CLDN10: variants seen among roughly 807,000 people sequenced by gnomAD.
CLDN10 encodes claudin-10.
In CLDN10, 15 loss-of-function variants were observed where a neutral mutation model predicts 22.9. That is an observed-to-expected ratio of 0.65 (90% CI 0.44 to 1.01). CLDN10 has a LOEUF of 1.01. Among genes scored for constraint, CLDN10 ranks in the 50% least tolerant of loss-of-function variants. The probability of loss-of-function intolerance (pLI) is 0.00; values close to 1 mark genes in which losing one functional copy is unlikely to be tolerated. For missense variants in CLDN10, 247 were observed against 287.8 expected (o/e 0.86, Z 1.03); for synonymous variants, 114 against 111.4 (o/e 1.02, Z -0.15).
chr13:95,544,274 T>G (rs1013586342), intron 1 of CLDN10, among the ~76,000 whole-genome samples: 2 of 152,214 alleles, frequency 1.3e-5, no homozygotes, highest in Non-Finnish European at 2.9e-5. Context: ...CAAATTTCAT[T>G]GGCTGCTTTA....
upstream of CLDN10, chr13:95,552,704 T>G (rs943745475): frequency 6.5e-7 from 1 of 1,535,984 alleles, no homozygotes; most frequent in Non-Finnish European, 8.8e-7. Context: ...AGTGCGGGGG[T>G]CGCGGCGCAG....
At chr13:95,473,650 G>A (rs973671875) in intron 1 of CLDN10, among the ~76,000 whole-genome samples, 6 of 152,326 alleles carry the variant, frequency 3.9e-5, no homozygotes, top group Middle Eastern at 3.4e-3. Flanking sequence ...GAAGGGCTAC[G>A]GGAACCGAGG....
chr13:95,515,729 T>C (rs1479190590), intron 1 of CLDN10, among the ~76,000 whole-genome samples: 1 of 152,170 alleles, frequency 6.6e-6, no homozygotes, highest in East Asian at 1.9e-4. Context: ...TTGGTTTGCT[T>C]GATGATGGCT....
chr13:95,565,814 C>T (rs1415227297), intron 3 of CLDN10, among the ~76,000 whole-genome samples: 1 of 149,072 alleles, frequency 6.7e-6, no homozygotes, highest in Non-Finnish European at 1.5e-5. Context: ...TGTGATGTTC[C>T]CCACCTTGTG....
chr13:95,466,126 A>G (rs1020846157), intron 1 of CLDN10, among the ~76,000 whole-genome samples: 14 of 152,094 alleles, frequency 9.2e-5, no homozygotes, highest in Non-Finnish European at 1.9e-4. Flanking sequence ...GTGGTAAAAT[A>G]TATATAACAT....
At chr13:95,461,976 G>A (rs1262362415) in intron 1 of CLDN10, among the ~76,000 whole-genome samples, 3 of 152,186 alleles carry the variant, frequency 2.0e-5, no homozygotes, top group Non-Finnish European at 4.4e-5. Flanking sequence ...GCCATCTGTA[G>A]TTCCAGCTCC....
At chr13:95,550,618 T>A (rs1451172881), upstream of CLDN10, among the ~76,000 whole-genome samples, 2 of 152,142 alleles carry the variant, frequency 1.3e-5, no homozygotes, top group East Asian at 3.8e-4. Context: ...AAATAGTAAT[T>A]GGATCAGAAA....
intron 1 of CLDN10, among the ~76,000 whole-genome samples, chr13:95,466,671 G>T (rs983651716): frequency 6.6e-6 from 1 of 151,938 alleles, no homozygotes; most frequent in Non-Finnish European, 1.5e-5. Context: ...AGACAAGAAA[G>T]GAATAACTTG....
At chr13:95,441,833 T>G (rs1261164840) in intron 1 of CLDN10, among the ~76,000 whole-genome samples, 1 of 152,220 alleles carries the variant, frequency 6.6e-6, no homozygotes, top group Non-Finnish European at 1.5e-5. Flanking sequence ...GCTTCAGTGT[T>G]CTTTCCTGTT....
chr13:95,464,308 G>T lies in CLDN10; in HGVS notation c.214+30261G>T, dbSNP rs563173698. Among the ~76,000 whole-genome samples the T allele has an allele frequency of 3.0e-3, 449 of 151,966 alleles. 2 individuals are homozygous for T. Among genetic ancestry groups the T allele is most frequent in the Middle Eastern group, 0.01 (3 of 294 alleles). ...TGATGCTCCCCTTCCTTGTCCAAGT[G>T]TTCTCATTGTTCAATTCCCACCTAT... is the stretch of plus-strand genomic sequence containing the variant. On this transcript the variant is annotated intron_variant, in intron 1 of 4. Transcript: ENST00000376873.
chr13:95,521,525 A>G (rs1237634335), intron 1 of CLDN10, among the ~76,000 whole-genome samples: 7 of 152,180 alleles, frequency 4.6e-5, no homozygotes, highest in Non-Finnish European at 1.0e-4. Flanking sequence ...GCGATGTCAA[A>G]TAAAACCAGC....
At chr13:95,535,889 A>G (rs1236371811) in intron 1 of CLDN10, among the ~76,000 whole-genome samples, 1 of 152,182 alleles carries the variant, frequency 6.6e-6, no homozygotes, top group Non-Finnish European at 1.5e-5. Flanking sequence ...CAAAGAAGGA[A>G]CTGAGCAACT....
intron 1 of CLDN10, among the ~76,000 whole-genome samples, chr13:95,532,999 T>TA (rs2043361759): frequency 6.6e-6 from 1 of 151,606 alleles, no homozygotes; most frequent in Non-Finnish European, 1.5e-5. Context: ...GGAAGGAGTA[T>TA]GAGAGAACTT....
At chr13:95,517,627 ACT>A (rs1396234650) in intron 1 of CLDN10, among the ~76,000 whole-genome samples, 1 of 152,004 alleles carries the variant, frequency 6.6e-6, no homozygotes, top group African/African-American at 2.4e-5. Flanking sequence ...AAGTATAGAC[ACT>A]CTGTCTTACC....
At chr13:95,527,842 G>A (rs1024683769) in intron 1 of CLDN10, among the ~76,000 whole-genome samples, 2 of 152,198 alleles carry the variant, frequency 1.3e-5, no homozygotes, top group African/African-American at 2.4e-5. Context: ...GGCAGAGTGT[G>A]TCAGCTATAG....
intron 1 of CLDN10, among the ~76,000 whole-genome samples, chr13:95,463,286 ATATATATATATATAT>A (rs1428575239): frequency 2.2e-4 from 5 of 22,320 alleles, no homozygotes; most frequent in Admixed American, 5.5e-4. Context: ...CAAATGCTTA[ATATATATATATATAT>A]ATATATATAT....
At chr13:95,532,792 C>CAAAAAA (rs57500288) in intron 1 of CLDN10, among the ~76,000 whole-genome samples, 670 of 61,864 alleles carry the variant, frequency 0.011, 49 homozygotes, top group East Asian at 0.016. Context: ...CTCAATTCAG[C>CAAAAAA]AAAAAAAAAA....
At chr13:95,438,974 G>GC (rs1186959802) in intron 1 of CLDN10, among the ~76,000 whole-genome samples, 1 of 50,384 alleles carries the variant, frequency 2.0e-5, no homozygotes, top group Non-Finnish European at 3.2e-5. Flanking sequence ...AGACTCCATC[G>GC]CAAAAAAAAA....
intron 1 of CLDN10, among the ~76,000 whole-genome samples, chr13:95,509,698 C>T (rs1482046267): frequency 6.6e-6 from 1 of 152,134 alleles, no homozygotes; most frequent in Non-Finnish European, 1.5e-5. Flanking sequence ...TACGGTGATT[C>T]CAGTCCCCTC....
Sources: gnomAD v4.1 joint callset for allele counts (sites outside exome capture counted in the v4.1 genomes callset) on GRCh38, gnomAD v4.1.1 for gene constraint, MANE v1.5 for transcripts, NCBI Gene and HGNC (gene_info 2026-07-23, HGNC 2026-07-21) for gene names.